The following AMOTL1 variants were observed in gnomAD, a reference collection of about 807,000 sequenced individuals.
AMOTL1 encodes angiomotin like 1, also known as angiomotin-like protein 1.
A neutral mutation model predicts 102.9 loss-of-function variants in AMOTL1; 45 were observed. The observed-to-expected ratio is 0.44, with a 90% CI of 0.34 to 0.56. AMOTL1 has a LOEUF of 0.56. AMOTL1 is among the 20% of genes least tolerant of loss of function. The probability of loss-of-function intolerance (pLI) is 0.01; values close to 1 mark genes in which losing one functional copy is unlikely to be tolerated. For synonymous variants in AMOTL1, 481 were observed against 484.7 expected, an observed-to-expected ratio of 0.99 and a Z score of 0.10; for missense variants, 1,114 against 1,225.6, an observed-to-expected ratio of 0.91 and a Z score of 1.36.
chr11:94,771,821 C>T (rs1950957475), intron 1 of AMOTL1, among the ~76,000 whole-genome samples: 2 of 152,100 alleles, frequency 1.3e-5, no homozygotes, highest in African/African-American at 4.8e-5. Context: ...GGCATTTTCC[C>T]CCCATCTTTT....
At chr11:94,837,205 G>T (rs2135677523) in intron 6 of AMOTL1, among the ~76,000 whole-genome samples, 1 of 152,298 alleles carries the variant, frequency 6.6e-6, no homozygotes, top group East Asian at 1.9e-4. Context: ...CTGAGTCCTG[G>T]TGTCTTACTA....
chr11:94,728,223 A>C (rs372293191), intron 1 of AMOTL1, among the ~76,000 whole-genome samples: 2 of 152,134 alleles, frequency 1.3e-5, no homozygotes, highest in African/African-American at 4.8e-5. Context: ...AGTTGTAATC[A>C]GCCCAGGTAC....
At chr11:94,810,673 G>A (rs1053731740) in intron 3 of AMOTL1, among the ~76,000 whole-genome samples, 1 of 151,880 alleles carries the variant, frequency 6.6e-6, no homozygotes, top group African/African-American at 2.4e-5. Context: ...GGAATCCTGG[G>A]CTATTAGAAA....
At chr11:94,827,160 A>G (rs1234290368) in intron 4 of AMOTL1, among the ~76,000 whole-genome samples, 1 of 152,368 alleles carries the variant, frequency 6.6e-6, no homozygotes, top group Non-Finnish European at 1.5e-5. Context: ...TCAAGGAGTT[A>G]GTAGTCGAAT....
At chr11:94,717,168 T>G (rs1950111015) in intron 1 of AMOTL1, among the ~76,000 whole-genome samples, 2 of 151,818 alleles carry the variant, frequency 1.3e-5, no homozygotes, top group Admixed American at 1.3e-4. Context: ...TTTTCTTTTT[T>G]CCATATTTCG....
intron 2 of AMOTL1, among the ~76,000 whole-genome samples, chr11:94,734,171 C>T (rs1409681580): frequency 6.6e-6 from 1 of 152,184 alleles, no homozygotes; most frequent in Non-Finnish European, 1.5e-5. Flanking sequence ...CATTTCATCT[C>T]TTGGTCGCTG....
intron 4 of AMOTL1, among the ~76,000 whole-genome samples, chr11:94,826,712 C>G (rs2135646486): frequency 6.6e-6 from 1 of 152,330 alleles, no homozygotes; most frequent in Admixed American, 6.5e-5. Flanking sequence ...GACCCAAACA[C>G]TTCCCACTAG....
chr11:94,821,863 T>C, intron 4 of AMOTL1, 42 bp downstream of exon 4: 1 of 1,596,564 alleles, frequency 6.3e-7, no homozygotes, highest in African/African-American at 1.3e-5. Flanking sequence ...ACAAATTCTT[T>C]ACCTGGTCAT....
chr11:94,747,546 A>G (rs1461555507), intron 3 of AMOTL1, among the ~76,000 whole-genome samples: 1 of 152,186 alleles, frequency 6.6e-6, no homozygotes, highest in Non-Finnish European at 1.5e-5. Context: ...ATAATAACTT[A>G]AATATTTCCC....
chr11:94,717,709 A>G (rs922439190), intron 1 of AMOTL1, among the ~76,000 whole-genome samples: 4 of 151,974 alleles, frequency 2.6e-5, no homozygotes, highest in African/African-American at 9.7e-5. Context: ...TAATTATCTA[A>G]AATATAAATA....
chr11:94,850,744 C>T (rs1441620239), intron 7 of AMOTL1, among the ~76,000 whole-genome samples: 4 of 152,194 alleles, frequency 2.6e-5, no homozygotes, highest in Non-Finnish European at 5.9e-5. Flanking sequence ...CTGCCTCACA[C>T]CTTCCAGCAC....
At chr11:94,752,822 G>T (rs779396357) in intron 3 of AMOTL1, among the ~76,000 whole-genome samples, 1 of 152,136 alleles carries the variant, frequency 6.6e-6, no homozygotes, top group Non-Finnish European at 1.5e-5. Flanking sequence ...GAATCCTGTG[G>T]AAAATACAGG....
intron 3 of AMOTL1, among the ~76,000 whole-genome samples, chr11:94,801,477 G>A (rs796317906): frequency 2.6e-4 from 39 of 152,236 alleles, no homozygotes; most frequent in African/African-American, 8.9e-4. Context: ...CGGGAAAAGC[G>A]GTGTTCTTAG....
At chr11:94,761,132 A>G (rs1950787195) in intron 3 of AMOTL1, among the ~76,000 whole-genome samples, 1 of 151,752 alleles carries the variant, frequency 6.6e-6, no homozygotes, top group Non-Finnish European at 1.5e-5. Flanking sequence ...CCTTCTTTCA[A>G]ACTTTATTGT....
chr11:94,741,201 C>T (rs899755813), intron 3 of AMOTL1, among the ~76,000 whole-genome samples: 1 of 151,310 alleles, frequency 6.6e-6, no homozygotes, highest in African/African-American at 2.4e-5. Context: ...TCCAATGAGC[C>T]GTGCGTGTGT....
At position 94,864,808 on chromosome 11, in the gene AMOTL1, G is replaced by A; in HGVS notation, c.2209G>A (p.Glu737Lys). ...ESSLEAHIWQ[E>K]EEEVVQANRR... The stretch of plus-strand genomic sequence containing the variant: ...CTCGCTGGAGGCCCACATCTGGCAA[G>A]AGGAGGAGGAGGTGGTGCAGGCCAA... The change falls in exon 10 of 13, where the codon GAG becomes AAG. Residue 737 changes from glutamate (E) to lysine (K), a missense_variant. Glu to Lys is a moderately conservative substitution (Grantham distance 56, BLOSUM62 1). Transcript: ENST00000433060. The A allele has an allele frequency of 6.2e-7, 1 of 1,612,118 alleles. No individual in the cohort carries two copies. The highest frequency in any genetic ancestry group is 8.5e-7 in the Non-Finnish European group (1 of 1,178,752).
intron 1 of AMOTL1, among the ~76,000 whole-genome samples, chr11:94,771,213 T>C (rs987303371): frequency 8.4e-6 from 1 of 119,666 alleles, no homozygotes; most frequent in Non-Finnish European, 1.7e-5. Context: ...ATATATAAAA[T>C]TCCCCCAAAG....
intron 1 of AMOTL1, among the ~76,000 whole-genome samples, chr11:94,708,659 G>T (rs1949970537): frequency 6.6e-6 from 1 of 152,186 alleles, no homozygotes; most frequent in Non-Finnish European, 1.5e-5. Context: ...CACCTATGTT[G>T]TAAGTATTCA....
intron 9 of AMOTL1, among the ~76,000 whole-genome samples, 165 bp downstream of exon 9, chr11:94,859,880 A>G (rs760958159): frequency 6.6e-6 from 1 of 152,180 alleles, no homozygotes; most frequent in South Asian, 2.1e-4. Flanking sequence ...GTGGTATAAC[A>G]TTTCTAGAGG....
Sources: gnomAD v4.1 joint callset for allele counts (sites outside exome capture counted in the v4.1 genomes callset) on GRCh38, gnomAD v4.1.1 for gene constraint, MANE v1.5 for transcripts, NCBI Gene and HGNC (gene_info 2026-07-23, HGNC 2026-07-21) for gene names.